Variants in PRR14L observed in about 807,000 individuals in gnomAD.
PRR14L encodes the protein protein PRR14L.
A neutral mutation model predicts 155.0 loss-of-function variants in PRR14L; 80 were observed. That is an observed-to-expected ratio of 0.52 (90% CI 0.43 to 0.62). The LOEUF (loss-of-function observed/expected upper bound fraction) is 0.62. Among genes scored for constraint, PRR14L ranks in the 20% least tolerant of loss-of-function variants. The pLI, the probability that PRR14L is intolerant of heterozygous loss-of-function variation, is 0.00. For missense variants in PRR14L, 2,469 were observed against 2,548.0 expected, an observed-to-expected ratio of 0.97 and a Z score of 0.67; for synonymous variants, 883 against 916.0, an observed-to-expected ratio of 0.96 and a Z score of 0.65.
In PRR14L at chr22:31,685,749, TGAGATTAG is replaced by T; in HGVS notation, c.6226_6233del (p.Leu2076AsnfsTer80). 1 of 1,550,612 alleles carries T rather than the reference TGAGATTAG, an allele frequency of 6.4e-7. No individual in the cohort carries two copies. The highest frequency in any genetic ancestry group is 8.7e-7 in the Non-Finnish European group (1 of 1,146,022). ...CTCGCTTCCTCTTCTGTTGGCTGATTGAGATTAGTGTACCATTTCGTTCCTTGGGTTCC... is the reference window on the plus strand; with the variant it reads ...CTCGCTTCCTCTTCTGTTGGCTGATTTGTACCATTTCGTTCCTTGGGTTCC... On this transcript the variant is annotated frameshift_variant, in exon 9 of 9. Coordinates refer to ENST00000327423, the MANE Select transcript of PRR14L (RefSeq NM_173566.3). LOFTEE classifies it high-confidence loss of function.
intron 4 of PRR14L, among the ~76,000 whole-genome samples, chr22:31,709,534 T>TTTG (rs2074609848): frequency 2.0e-5 from 1 of 50,102 alleles, no homozygotes; most frequent in African/African-American, 9.9e-5. Context: ...GCCTGTGGGG[T>TTTG]TTTTTTTTTT....
At chr22:31,726,119 A>G (rs1337221596) in intron 2 of PRR14L, among the ~76,000 whole-genome samples, 1 of 151,992 alleles carries the variant, frequency 6.6e-6, no homozygotes, top group Non-Finnish European at 1.5e-5. Context: ...AAAACTTTTT[A>G]AAGTTGTGAC....
chr22:31,701,061 C>T (rs1225790739), intron 7 of PRR14L, among the ~76,000 whole-genome samples: 1 of 151,430 alleles, frequency 6.6e-6, no homozygotes, highest in Non-Finnish European at 1.5e-5. Context: ...GATCTCGGCT[C>T]ACCACAACCT....
chr22:31,695,708 T>C (rs1288216069), intron 7 of PRR14L, among the ~76,000 whole-genome samples: 1 of 152,108 alleles, frequency 6.6e-6, no homozygotes, highest in East Asian at 1.9e-4. Context: ...TGGTTGTTAT[T>C]TCCTGCTTGC....
rs2074574838 is a variant in PRR14L at position 31,703,700 on chromosome 22, G to C, written c.5850C>G (p.Ala1950=). ...CTACCAAGCAAGACTTTGGTACCAA[G>C]GCAGGGAATGGAGGCTCCAGCCTAG... ...SQTRLEPPFP[A]LVPKSCLVAE... Residue 1950 remains alanine (A), a synonymous_variant, in exon 6 of 9, where the codon GCC becomes GCG. Transcript: ENST00000327423. 1 of 1,595,980 alleles carries C rather than the reference G, an allele frequency of 6.3e-7. No homozygotes were observed. Among genetic ancestry groups the C allele is most frequent in the Non-Finnish European group, 8.5e-7 (1 of 1,170,136 alleles).
intron 7 of PRR14L, among the ~76,000 whole-genome samples, chr22:31,691,048 C>T (rs1432989017): frequency 2.6e-5 from 4 of 151,638 alleles, no homozygotes; most frequent in Non-Finnish European, 5.9e-5. Context: ...ACTGCAACAT[C>T]CGCATTCCGG....
At chr22:31,688,513 C>T (rs1305131136) in intron 7 of PRR14L, among the ~76,000 whole-genome samples, 3 of 151,782 alleles carry the variant, frequency 2.0e-5, no homozygotes, top group African/African-American at 4.8e-5. Context: ...CTATCCTTTT[C>T]GTTTGCTCCA....
rs1447503832 is a variant in PRR14L, at chr22:31,717,265, T to C, written c.574A>G (p.Thr192Ala). Residue 192 changes from threonine (T) to alanine (A), a missense_variant, in exon 4 of 9, where the codon ACT becomes GCT. Physicochemically the swap from Thr to Ala is moderately conservative, Grantham distance 58 (BLOSUM62 0). This residue lies in a region of PRR14L where 2,363 missense variants were observed against 2,371.6 expected (regional missense o/e 1.00). Coordinates refer to ENST00000327423, the MANE Select transcript of PRR14L (RefSeq NM_173566.3). ...KEGNVQITAETLLKSAEVQGM... is the reference protein window; with the variant it reads ...KEGNVQITAEALLKSAEVQGM... ...TGTACTTCGGCGGATTTTAGCAGAG[T>C]TTCAGCTGTAATCTGTACATTTCCT... is the stretch of plus-strand genomic sequence containing the variant. The C allele has an allele frequency of 1.3e-6, 2 of 1,550,564 alleles. No homozygotes were observed. Among genetic ancestry groups the C allele is most frequent in the Admixed American group, 3.9e-5 (2 of 50,882 alleles).
chr22:31,685,798 A>G lies in PRR14L; in HGVS notation c.6185T>C (p.Leu2062Ser). 1 of 1,551,448 alleles carries G rather than the reference A, an allele frequency of 6.4e-7. No individual in the cohort carries two copies. The highest frequency in any genetic ancestry group is 8.7e-7 in the Non-Finnish European group (1 of 1,146,844). Residue 2062 changes from leucine to serine, a missense_variant, in exon 9 of 9, where the codon TTA becomes TCA. Physicochemically the swap from Leu to Ser is moderately radical, Grantham distance 145. Around this residue, in one of 2 missense-constraint regions of PRR14L, gnomAD observed 106 missense variants for 176.4 expected, o/e 0.60. Coordinates refer to ENST00000327423, the MANE Select transcript of PRR14L (RefSeq NM_173566.3). ...CTTGGGTTCCTCAAAGATGGTCTCTAAACACCTAAGGATGAAGCACGAAAC... is the reference window on the plus strand; with the variant it reads ...CTTGGGTTCCTCAAAGATGGTCTCTGAACACCTAAGGATGAAGCACGAAAC... Reference protein sequence around the residue: ...NYKSPPANRCLETIFEEPKER... With the variant: ...NYKSPPANRCSETIFEEPKER...
intron 2 of PRR14L, among the ~76,000 whole-genome samples, chr22:31,729,086 CT>C (rs1239708832): frequency 6.6e-6 from 1 of 152,258 alleles, no homozygotes; most frequent in Non-Finnish European, 1.5e-5. Flanking sequence ...GAGTTCAGAA[CT>C]GAATACATTC....
chr22:31,722,888 G>A (rs1384887812), intron 3 of PRR14L, among the ~76,000 whole-genome samples: 1 of 152,132 alleles, frequency 6.6e-6, no homozygotes, highest in African/African-American at 2.4e-5. Context: ...GCCTGACCTT[G>A]GCAGAGCAAG....
At chr22:31,720,037 C>T (rs534155912) in intron 3 of PRR14L, among the ~76,000 whole-genome samples, 6 of 152,256 alleles carry the variant, frequency 3.9e-5, no homozygotes, top group African/African-American at 1.4e-4. Flanking sequence ...TGCCCTGCAG[C>T]TCTGTGATAC....
At position 31,703,541 on chromosome 22, in the gene PRR14L, T is replaced by C. The variant is rs373473515; in HGVS notation, c.6000+9A>G. ...CCATCATCTGACCCAACCAGCACTT[T>C]ACACTTACCTCTTTCTGTTCTGGGG... On this transcript the variant is annotated intron_variant, in intron 6 of 8. Coordinates refer to ENST00000327423, the MANE Select transcript of PRR14L (RefSeq NM_173566.3). 203 of 1,611,748 alleles carry C rather than the reference T, an allele frequency of 1.3e-4. No homozygotes were observed. Among genetic ancestry groups the C allele is most frequent in the East Asian group, 2.0e-4 (9 of 44,668 alleles).
rs1441212328 is a variant in PRR14L at position 31,716,112 on chromosome 22, A to C, written c.1727T>G (p.Met576Arg). 5 of 1,551,358 alleles carry C rather than the reference A, an allele frequency of 3.2e-6. No homozygotes were observed. In the South Asian group the frequency reaches 5.9e-5, roughly 18 times the overall value. Residue 576 changes from methionine (M) to arginine (R), a missense_variant, in exon 4 of 9, where the codon ATG becomes AGG. Coordinates refer to ENST00000327423, the MANE Select transcript of PRR14L (RefSeq NM_173566.3). Reference protein sequence around the residue: ...LFERKSIVSLMPEDQISPVSE... With the variant: ...LFERKSIVSLRPEDQISPVSE... ...TACAGGACTTATTTGATCCTCTGGC[A>C]TTAAACTCACAATGGATTTTCTTTC...
chr22:31,743,659 G>A (rs75823767), intron 1 of PRR14L, among the ~76,000 whole-genome samples: 3 of 151,960 alleles, frequency 2.0e-5, no homozygotes, highest in African/African-American at 4.8e-5. Flanking sequence ...AAAATTAGCT[G>A]GGCATGTTGG....
intron 2 of PRR14L, among the ~76,000 whole-genome samples, chr22:31,726,685 C>T (rs1165291842): frequency 6.6e-6 from 1 of 152,160 alleles, no homozygotes; most frequent in Non-Finnish European, 1.5e-5. Flanking sequence ...TTAAAATATT[C>T]TTTCAAGTTA....
chr22:31,742,428 T>C (rs2074817753), intron 1 of PRR14L, among the ~76,000 whole-genome samples: 1 of 151,586 alleles, frequency 6.6e-6, no homozygotes, highest in Non-Finnish European at 1.5e-5. Context: ...AGTGCAGTGG[T>C]GCCATCTCAG....
Position 31,716,941 on chromosome 22 carries a change from A to G in PRR14L, c.898T>C (p.Cys300Arg). The change falls in exon 4 of 9, where the codon TGT becomes CGT. Residue 300 changes from cysteine (C) to arginine (R), a missense_variant. Cys to Arg is a radical substitution (Grantham distance 180, BLOSUM62 -3). Coordinates refer to ENST00000327423, the MANE Select transcript of PRR14L (RefSeq NM_173566.3). The part of the protein sequence containing the change: ...SNVDNGKEEL[C>R]KPNLVCEADD... ...GCTTCACAGACCAGGTTTGGTTTAC[A>G]CAACTCTTCCTTCCCATTGTCCACA... 6.4e-7 allele frequency: 1 copy of G among 1,552,016 alleles called. No individual in the cohort carries two copies. Among genetic ancestry groups the G allele is most frequent in the Non-Finnish European group, 8.7e-7 (1 of 1,147,066 alleles).
intron 3 of PRR14L, among the ~76,000 whole-genome samples, chr22:31,723,196 T>A (rs1252501246): frequency 6.6e-6 from 1 of 152,164 alleles, no homozygotes; most frequent in African/African-American, 2.4e-5. Flanking sequence ...ACTGAGACCC[T>A]TATCCATGGG....
Sources: allele counts gnomAD v4.1 joint callset (sites outside exome capture counted in the v4.1 genomes callset), GRCh38; gene constraint gnomAD v4.1.1; regional missense constraint gnomAD v4.1.1; transcripts MANE v1.5; gene names NCBI Gene and HGNC (gene_info 2026-07-23, HGNC 2026-07-21).